MCTP2: variants seen among roughly 807,000 people sequenced by gnomAD.
MCTP2 encodes the protein multiple C2 and transmembrane domain containing 2, also known as multiple C2 and transmembrane domain-containing protein 2.
A neutral mutation model predicts 111.6 loss-of-function variants in MCTP2; 132 were observed. That is an observed-to-expected ratio of 1.18 (90% CI 1.03 to 1.37). The LOEUF is 1.37. Among genes scored for constraint, MCTP2 ranks in the 40% most tolerant of loss-of-function variants. The probability of loss-of-function intolerance (pLI) is 0.00; values close to 1 mark genes in which losing one functional copy is unlikely to be tolerated. For synonymous variants in MCTP2, 395 were observed against 387.7 expected (o/e 1.02, Z -0.22); for missense variants, 1,183 against 1,067.9 (o/e 1.11, Z -1.50).
At chr15:94,334,995 T>C (rs2077289237) in intron 4 of MCTP2, among the ~76,000 whole-genome samples, 1 of 152,204 alleles carries the variant, frequency 6.6e-6, no homozygotes, top group Admixed American at 6.5e-5. Flanking sequence ...TCCCATGAAG[T>C]TCTATGGAAG....
At chr15:94,395,999 CT>C (rs1399653276) in intron 14 of MCTP2, among the ~76,000 whole-genome samples, 1 of 152,148 alleles carries the variant, frequency 6.6e-6, no homozygotes, top group African/African-American at 2.4e-5. Context: ...CAAGTTAAAT[CT>C]GTTATTACTG....
At chr15:94,398,319 G>T (rs8025275) in intron 14 of MCTP2, among the ~76,000 whole-genome samples, 1 of 152,094 alleles carries the variant, frequency 6.6e-6, no homozygotes, top group African/African-American at 2.4e-5. Context: ...ATAACATTTT[G>T]GGGGGAATAC....
chr15:94,466,205 T>TCTAA (rs2073278519), intron 20 of MCTP2, among the ~76,000 whole-genome samples: 1 of 152,190 alleles, frequency 6.6e-6, no homozygotes, highest in South Asian at 2.1e-4. Context: ...TTGGATTAGA[T>TCTAA]TTCAATATCT....
chr15:94,239,975 A>T (rs112369776), intron 1 of MCTP2, among the ~76,000 whole-genome samples: 93 of 152,276 alleles, frequency 6.1e-4, no homozygotes, highest in African/African-American at 2.1e-3. Flanking sequence ...TGTCAGTTTC[A>T]AGCATTGTCA....
rs1044546984 is a variant in MCTP2 at position 94,480,738 on chromosome 15, G to A, written c.*1704G>A. ...GTGAGATCTGATCAGTCATTTGAAT[G>A]AAAACTTTCAGCAGCAAAATAACCC... On this transcript the variant is annotated 3_prime_UTR_variant, in exon 23 of 23. Coordinates refer to ENST00000357742, the MANE Select transcript of MCTP2 (RefSeq NM_001385001.1). 2.0e-5 allele frequency: 3 copies of A among 152,190 alleles called. No homozygotes were observed. Among genetic ancestry groups the A allele is most frequent in the African/African-American group, 4.8e-5 (2 of 41,434 alleles). 9.4% of individuals were successfully genotyped at this position (152,190 alleles called of 1,614,324 possible). A position where few individuals can be genotyped will look rare whatever the true frequency, so the allele number is the denominator to read the frequency against.
chr15:94,407,243 C>T (rs78330131), intron 17 of MCTP2, among the ~76,000 whole-genome samples: 2,940 of 152,218 alleles, frequency 0.019, 102 homozygotes, highest in African/African-American at 0.067. Flanking sequence ...TGACAGATGG[C>T]ATCATCAGAA....
intron 16 of MCTP2, among the ~76,000 whole-genome samples, chr15:94,401,273 T>C (rs555287975): frequency 3.1e-4 from 47 of 152,298 alleles, no homozygotes; most frequent in African/African-American, 1.1e-3. Flanking sequence ...TGAAAGCACT[T>C]ACTATGTGAC....
intron 12 of MCTP2, among the ~76,000 whole-genome samples, chr15:94,372,706 A>C (rs1161286196): frequency 6.6e-6 from 1 of 152,106 alleles, no homozygotes. Flanking sequence ...TCCATTTTCC[A>C]GTCATCTTAC....
Position 94,275,721 on chromosome 15 carries a change from T to C in MCTP2, c.-65-22480T>C, listed in dbSNP as rs545875856. ...TAAATCTTAAATCAACTTAAATCAA[T>C]TTAACCTTTCTTAAATCAACTTGTA... On this transcript the variant is annotated intron_variant, in intron 1 of 22. Transcript: ENST00000357742. Among the ~76,000 whole-genome samples the C allele has an allele frequency of 5.3e-5, 8 of 152,274 alleles. No homozygotes were observed. The South Asian group carries it at 1.7e-3, about 32-fold the overall frequency.
In MCTP2 at chr15:94,298,214, T is replaced by TG. The variant is rs1555447559; in HGVS notation, c.-52_-51insG. 19 of 1,409,680 alleles carry TG rather than the reference T, an allele frequency of 1.3e-5. No homozygotes were observed. The highest frequency in any genetic ancestry group is 2.8e-5 in the South Asian group (2 of 71,302). 87.3% of individuals were successfully genotyped at this position (1,409,680 alleles called of 1,614,324 possible). The stretch of plus-strand genomic sequence containing the variant: ...TCTGTTTTATAGGAGTCATTGCAGT[T>TG]TTCAGTAGAGGTGTACTTCTGAGAA... On this transcript the variant is annotated 5_prime_UTR_variant, in exon 2 of 23. Transcript: ENST00000357742.
intron 1 of MCTP2, among the ~76,000 whole-genome samples, chr15:94,238,050 T>C (rs1434687503): frequency 2.0e-5 from 3 of 152,084 alleles, no homozygotes; most frequent in Non-Finnish European, 2.9e-5. Context: ...GTGTCATGCC[T>C]CTCTAAAATG....
At chr15:94,428,154 T>C (rs1200198094) in intron 17 of MCTP2, among the ~76,000 whole-genome samples, 1 of 152,182 alleles carries the variant, frequency 6.6e-6, no homozygotes, top group Non-Finnish European at 1.5e-5. Flanking sequence ...GTCCTTCTGT[T>C]TGAAGTATAT....
intron 1 of MCTP2, among the ~76,000 whole-genome samples, chr15:94,282,767 G>A (rs1169900844): frequency 6.6e-6 from 1 of 152,156 alleles, no homozygotes; most frequent in Non-Finnish European, 1.5e-5. Context: ...TGCAAATTAG[G>A]TTTAGCCAAC....
intron 21 of MCTP2, among the ~76,000 whole-genome samples, chr15:94,470,764 CTG>C (rs1459517974): frequency 7.1e-6 from 1 of 140,954 alleles, no homozygotes; most frequent in African/African-American, 2.6e-5. Flanking sequence ...TAAGGAAACA[CTG>C]TTCAAACAGT....
intron 4 of MCTP2, among the ~76,000 whole-genome samples, chr15:94,325,863 A>G (rs375327288): frequency 1.6e-5 from 2 of 121,608 alleles, no homozygotes; most frequent in African/African-American, 6.5e-5. Context: ...GTCTGTTGCC[A>G]GGCTGGAGTA....
intron 12 of MCTP2, among the ~76,000 whole-genome samples, chr15:94,376,881 A>C (rs2152445767): frequency 6.6e-6 from 1 of 152,318 alleles, no homozygotes; most frequent in Middle Eastern, 3.4e-3. Flanking sequence ...TAATGTGGAT[A>C]ATAGTTTTAT....
At chr15:94,317,317 A>G (rs906382085) in intron 4 of MCTP2, among the ~76,000 whole-genome samples, 5 of 151,966 alleles carry the variant, frequency 3.3e-5, no homozygotes, top group African/African-American at 4.8e-5. Flanking sequence ...TTTGCTTACT[A>G]TGTCCTGCAA....
chr15:94,384,052 T>C lies in MCTP2; in HGVS notation c.1613T>C (p.Leu538Ser), dbSNP rs1346676229. 6.2e-7 allele frequency: 1 copy of C among 1,613,932 alleles called. No individual in the cohort carries two copies. Among genetic ancestry groups the C allele is most frequent in the Non-Finnish European group, 8.5e-7 (1 of 1,179,894 alleles). The change falls in exon 13 of 23, where the codon TTA becomes TCA. Residue 538 changes from leucine to serine, a missense_variant. By Grantham distance (145) the Leu-to-Ser change is moderately radical. Coordinates refer to ENST00000357742, the MANE Select transcript of MCTP2 (RefSeq NM_001385001.1). ...AGTGACCCATTTTGCTTGTTGGAGT[T>C]AGGCAATGACCGACTTCAGACGCAT... is the stretch of plus-strand genomic sequence containing the variant. ...GKSDPFCLLE[L>S]GNDRLQTHTV...
chr15:94,448,373 A>G (rs1384328708), intron 19 of MCTP2, among the ~76,000 whole-genome samples: 2 of 152,208 alleles, frequency 1.3e-5, no homozygotes, highest in East Asian at 1.9e-4. Context: ...GCCAGACTCA[A>G]TTAGATGAAT....
Sources: gnomAD v4.1 joint callset for allele counts (sites outside exome capture counted in the v4.1 genomes callset) on GRCh38, gnomAD v4.1.1 for gene constraint, MANE v1.5 for transcripts, NCBI Gene and HGNC (gene_info 2026-07-23, HGNC 2026-07-21) for gene names.